The following UBR2 variants were observed in gnomAD, a reference collection of about 807,000 sequenced individuals.
The protein encoded by UBR2 is E3 ubiquitin-protein ligase UBR2.
UBR2 carries 92 observed loss-of-function variants against 247.9 expected under a neutral mutation model. The ratio of observed to expected loss-of-function variants is 0.37; its 90% CI spans 0.31 to 0.44. The LOEUF is 0.44. Ranked by LOEUF, UBR2 falls within the 20% of genes least tolerant of loss-of-function variation. UBR2 has a pLI of 1.00. For synonymous variants in UBR2, 672 were observed against 693.5 expected (o/e 0.97, Z 0.49); for missense variants, 1,613 against 2,112.6 (o/e 0.76, Z 4.64).
At chr6:42,686,100 T>C (rs1365386811) in intron 44 of UBR2, among the ~76,000 whole-genome samples, 1 of 152,056 alleles carries the variant, frequency 6.6e-6, no homozygotes, top group African/African-American at 2.4e-5. Context: ...TTAGTATTTA[T>C]TGATCATTCT....
chr6:42,600,518 C>T (rs1360027127), intron 4 of UBR2, among the ~76,000 whole-genome samples: 1 of 147,954 alleles, frequency 6.8e-6, no homozygotes, highest in Non-Finnish European at 1.5e-5. Flanking sequence ...CTTTTCAATG[C>T]AGAAATAATT....
intron 24 of UBR2, among the ~76,000 whole-genome samples, 161 bp from the exon 25 acceptor site, chr6:42,652,330 T>C (rs528604368): frequency 6.6e-6 from 1 of 152,356 alleles, no homozygotes; most frequent in South Asian, 2.1e-4. Flanking sequence ...GCTGCTACTT[T>C]CGTGGCTCTT....
At chr6:42,647,121 C>T (rs866162714) in intron 21 of UBR2, among the ~76,000 whole-genome samples, 2 of 151,784 alleles carry the variant, frequency 1.3e-5, no homozygotes, top group African/African-American at 4.8e-5. Context: ...CACACCTGGC[C>T]GAATGATGAA....
intron 40 of UBR2, 135 bp from the exon 41 acceptor site, chr6:42,678,398 ACACACC>A: frequency 1.2e-6 from 1 of 826,918 alleles, no homozygotes; most frequent in Non-Finnish European, 1.8e-6. Context: ...CTATAATAAC[ACACACC>A]CACTTGCCTG....
chr6:42,587,065 C>G (rs1442059533), intron 2 of UBR2, among the ~76,000 whole-genome samples: 1 of 152,042 alleles, frequency 6.6e-6, no homozygotes, highest in African/African-American at 2.4e-5. Flanking sequence ...GGTAATCCAC[C>G]TGCCTGAGCC....
intron 42 of UBR2, among the ~76,000 whole-genome samples, chr6:42,681,124 C>T (rs1413480079): frequency 6.8e-6 from 1 of 147,896 alleles, no homozygotes; most frequent in Non-Finnish European, 1.5e-5. Context: ...GATCATGCCA[C>T]TGCACTCCAG....
At chr6:42,605,652 CT>C in intron 5 of UBR2, 68 bp from the exon 6 acceptor site, 4 of 1,463,974 alleles carry the variant, frequency 2.7e-6, no homozygotes, top group Non-Finnish European at 3.7e-6. Context: ...AAAGTAGTCT[CT>C]TAATAAGTCA....
At chr6:42,614,205 A>AAAAAAAAAATAT in intron 8 of UBR2, among the ~76,000 whole-genome samples, 1 of 26,614 alleles carries the variant, frequency 3.8e-5, no homozygotes, top group Non-Finnish European at 6.7e-5. Flanking sequence ...AAAAAAAAAA[A>AAAAAAAAAATAT]CTATATATAT....
intron 37 of UBR2, 67 bp from the exon 38 acceptor site, chr6:42,674,059 C>T (rs1033795962): frequency 6.7e-7 from 1 of 1,503,494 alleles, no homozygotes; most frequent in Non-Finnish European, 9.1e-7. Context: ...AAATTTAAAG[C>T]AGATTATATG....
rs541766440 is a variant in UBR2 at position 42,640,365 on chromosome 6, G to A, written c.1920+95G>A. On this transcript the variant is annotated intron_variant, in intron 16 of 46. Coordinates refer to ENST00000372901, the MANE Select transcript of UBR2 (RefSeq NM_001363705.2). ...ACACATTTTTAGTTTGGGTTCTCCAGAGGAACAGAACCAGTAAGGTGTGTG... is the reference window on the plus strand; with the variant it reads ...ACACATTTTTAGTTTGGGTTCTCCAAAGGAACAGAACCAGTAAGGTGTGTG... 2.6e-4 allele frequency: 259 copies of A among 1,001,144 alleles called. 4 individuals carry two copies. The South Asian group carries it at 3.7e-3, about 14-fold the overall frequency. The allele number at this position is 1,001,144 out of a possible 1,614,324, so 62.0% of individuals were successfully genotyped here. A position where few individuals can be genotyped will look rare whatever the true frequency, so the allele number is the denominator to read the frequency against.
At chr6:42,656,250 C>G (rs1797433082) in intron 26 of UBR2, among the ~76,000 whole-genome samples, 1 of 152,166 alleles carries the variant, frequency 6.6e-6, no homozygotes, top group Non-Finnish European at 1.5e-5. Flanking sequence ...TTTTCAGAAC[C>G]AGCCATTGGT....
chr6:42,607,720 T>G (rs982448055), intron 7 of UBR2, among the ~76,000 whole-genome samples: 6 of 138,364 alleles, frequency 4.3e-5, no homozygotes, highest in East Asian at 2.1e-4. Flanking sequence ...CTGTTTTTTT[T>G]TTTTTTTTTT....
intron 23 of UBR2, 118 bp from the exon 24 acceptor site, chr6:42,651,905 T>G: frequency 2.1e-6 from 2 of 943,162 alleles, no homozygotes; most frequent in South Asian, 1.9e-5. Flanking sequence ...AGGTCAGGAG[T>G]TCAAGACCAG....
intron 42 of UBR2, among the ~76,000 whole-genome samples, chr6:42,680,939 G>A (rs58833754): frequency 0.02 from 3,063 of 152,028 alleles, 87 homozygotes; most frequent in African/African-American, 0.07. Flanking sequence ...CCAGACGGGC[G>A]GATCACGAGG....
At chr6:42,657,693 A>C (rs375372012) in intron 26 of UBR2, among the ~76,000 whole-genome samples, 1 of 152,236 alleles carries the variant, frequency 6.6e-6, no homozygotes, top group East Asian at 1.9e-4. Flanking sequence ...GCACCTCTTA[A>C]TGCTAATTTA....
chr6:42,650,114 A>G (rs370052774), intron 22 of UBR2, among the ~76,000 whole-genome samples, 170 bp from the exon 23 acceptor site: 2 of 152,148 alleles, frequency 1.3e-5, no homozygotes, highest in Middle Eastern at 3.4e-3. Flanking sequence ...AAACAGATGC[A>G]TGTAGAACTC....
intron 11 of UBR2, among the ~76,000 whole-genome samples, chr6:42,624,121 T>TTTTG (rs923790035): frequency 2.2e-4 from 32 of 148,670 alleles, no homozygotes; most frequent in Non-Finnish European, 4.5e-5. Context: ...ATTGCTCTTT[T>TTTTG]TTTGTTTGTT....
rs1219290729 is a variant in UBR2 at position 42,619,441 on chromosome 6, A to ATTTTTTTTTTTTTTT, written c.1281+1935_1281+1936insTTTTTTTTTTTTTTT. On this transcript the variant is annotated intron_variant, in intron 11 of 46. Transcript: ENST00000372901. ...TATATATATATATATATATATATAT[A>ATTTTTTTTTTTTTTT]TATATATATATATTTTTTTTTTTTA... 1.9e-4 allele frequency: 5 copies of ATTTTTTTTTTTTTTT among 26,640 alleles called. 1 individual carries two copies. Among genetic ancestry groups the ATTTTTTTTTTTTTTT allele is most frequent in the Non-Finnish European group, 2.9e-4 (4 of 13,702 alleles). 1.7% of individuals were successfully genotyped at this position (26,640 alleles called of 1,614,324 possible). A position where few individuals can be genotyped will look rare whatever the true frequency, so the allele number is the denominator to read the frequency against.
At chr6:42,643,123 C>T (rs1020188030) in intron 18 of UBR2, among the ~76,000 whole-genome samples, 3 of 152,036 alleles carry the variant, frequency 2.0e-5, no homozygotes, top group African/African-American at 7.2e-5. Context: ...GGTATTTAAC[C>T]CTGCCGTAGC....
Sources: gnomAD v4.1 joint callset for allele counts (sites outside exome capture counted in the v4.1 genomes callset) on GRCh38, gnomAD v4.1.1 for gene constraint, MANE v1.5 for transcripts, NCBI Gene and HGNC (gene_info 2026-07-23, HGNC 2026-07-21) for gene names.